Variants in DPH6 observed in about 807,000 individuals in gnomAD.
The protein encoded by DPH6 is diphthine--ammonia ligase.
DPH6 carries 33 observed loss-of-function variants against 38.2 expected under a neutral mutation model. That is an observed-to-expected ratio of 0.86 (90% confidence interval 0.65 to 1.15). The LOEUF (loss-of-function observed/expected upper bound fraction) is 1.15, where lower values mean the gene tolerates loss of function less well. Ranked by LOEUF, DPH6 falls within the 50% of genes most tolerant of loss-of-function variation. The probability of loss-of-function intolerance (pLI) is 0.00; values close to 1 mark genes in which losing one functional copy is unlikely to be tolerated. For missense variants in DPH6, 325 were observed against 320.0 expected, an observed-to-expected ratio of 1.02 and a Z score of -0.12; for synonymous variants, 108 against 103.0, an observed-to-expected ratio of 1.05 and a Z score of -0.30.
At chr15:35,537,615 A>C (rs2055189708) in intron 3 of DPH6, among the ~76,000 whole-genome samples, 1 of 152,146 alleles carries the variant, frequency 6.6e-6, no homozygotes, top group South Asian at 2.1e-4. Context: ...CCAAACTCTT[A>C]CATTCTGTGA....
intron 3 of DPH6, among the ~76,000 whole-genome samples, chr15:35,470,891 A>C (rs1404079934): frequency 1.3e-5 from 2 of 152,176 alleles, no homozygotes; most frequent in Non-Finnish European, 1.5e-5. Flanking sequence ...AATACCTCCA[A>C]AATTAAATGT....
rs1165939476 is a variant in DPH6 at position 35,496,567 on chromosome 15, AAT to A, written c.312+41705_312+41706del. On this transcript the variant is annotated intron_variant, in intron 3 of 8. Transcript: ENST00000256538. ...GAAAGTTCCATCTCAAAAAAAAAAA[AAT>A]ATATATATATATATATATATATCCT... Among the ~76,000 whole-genome samples the A allele has an allele frequency of 4.2e-4, 13 of 31,014 alleles. 2 individuals are homozygous for A. In the South Asian group the frequency reaches 8.8e-3, roughly 21 times the overall value. 20.3% of individuals were successfully genotyped at this position (31,014 alleles called of 152,430 possible).
chr15:35,344,563 T>C (rs2052446862), intron 3 of DPH6, among the ~76,000 whole-genome samples: 1 of 151,870 alleles, frequency 6.6e-6, no homozygotes, highest in Admixed American at 6.6e-5. Flanking sequence ...TATTCTCTCA[T>C]TAGATCTTCA....
At chr15:35,460,255 A>C (rs1250632799) in intron 3 of DPH6, among the ~76,000 whole-genome samples, 2 of 152,246 alleles carry the variant, frequency 1.3e-5, no homozygotes, top group Non-Finnish European at 2.9e-5. Flanking sequence ...ATAATTAATC[A>C]GTGAATGAAT....
In DPH6 at chr15:35,376,376, C is replaced by T. The variant is rs184350138; in HGVS notation, c.663-2768G>A. Among the ~76,000 whole-genome samples the T allele has an allele frequency of 4.6e-5, 7 of 152,248 alleles. No individual in the cohort carries two copies. The East Asian group carries it at 7.7e-4, about 17-fold the overall frequency. ...ACCTATCTTCATGTGAATACAGTCA[C>T]GTGCCACATAATGCTATTTTTGGTT... On this transcript the variant is annotated intron_variant, in intron 7 of 8. Coordinates refer to ENST00000256538, the MANE Select transcript of DPH6 (RefSeq NM_080650.4).
intron 3 of DPH6, among the ~76,000 whole-genome samples, chr15:35,317,836 T>C (rs1285376756): frequency 6.6e-6 from 1 of 152,080 alleles, no homozygotes; most frequent in Non-Finnish European, 1.5e-5. Flanking sequence ...AATGTAAATA[T>C]CTGAAAAGTT....
intron 1 of DPH6, among the ~76,000 whole-genome samples, chr15:35,543,441 G>A (rs950021142): frequency 6.6e-6 from 1 of 151,760 alleles, no homozygotes; most frequent in Non-Finnish European, 1.5e-5. Context: ...TAATATGGCT[G>A]AATGGCAATC....
In DPH6 at chr15:35,303,597, G is replaced by A. The variant is rs138868411; in HGVS notation, n.200+69924C>T. Among the ~76,000 whole-genome samples, 730 of 151,118 alleles carry A rather than the reference G, an allele frequency of 4.8e-3. 3 individuals are homozygous for A. Among genetic ancestry groups the A allele is most frequent in the Non-Finnish European group, 7.0e-3 (471 of 67,752 alleles). On this transcript the variant is annotated intron_variant and non_coding_transcript_variant, in intron 3 of 3. Transcript: ENST00000560386. ...TTTTTCAGTATAAGTATACTGTGACGTTACAGCTTTGCAATCAAAAATAAC... is the reference window on the plus strand; with the variant it reads ...TTTTTCAGTATAAGTATACTGTGACATTACAGCTTTGCAATCAAAAATAAC...
chr15:35,328,232 A>C (rs1169863836), downstream of DPH6, among the ~76,000 whole-genome samples: 1 of 152,088 alleles, frequency 6.6e-6, no homozygotes, highest in African/African-American at 2.4e-5. Flanking sequence ...CCTAGGCTTT[A>C]AAATGCTATT....
At chr15:35,382,363 G>A (rs555241196) in intron 6 of DPH6, among the ~76,000 whole-genome samples, 70 of 152,288 alleles carry the variant, frequency 4.6e-4, no homozygotes, top group Non-Finnish European at 6.9e-4. Flanking sequence ...GTAAACCCGG[G>A]AGACGGAGCT....
At chr15:35,322,597 T>A (rs1414046751) in intron 3 of DPH6, among the ~76,000 whole-genome samples, 3 of 152,322 alleles carry the variant, frequency 2.0e-5, no homozygotes, top group African/African-American at 7.2e-5. Flanking sequence ...TTTCTCTTTT[T>A]TCTTTGGAGT....
chr15:35,464,652 GCTGA>G (rs1449214154), intron 3 of DPH6, among the ~76,000 whole-genome samples: 4 of 152,174 alleles, frequency 2.6e-5, no homozygotes, highest in African/African-American at 7.2e-5. Flanking sequence ...CCATTTGGTA[GCTGA>G]CTGTGTGCTT....
chr15:35,438,868 T>C (rs1174916429), intron 5 of DPH6, among the ~76,000 whole-genome samples: 2 of 152,228 alleles, frequency 1.3e-5, no homozygotes, highest in Non-Finnish European at 2.9e-5. Flanking sequence ...TATAGGATTA[T>C]TTTAAATTAG....
At chr15:35,268,526 A>G (rs1053190859) in intron 3 of DPH6, among the ~76,000 whole-genome samples, 3 of 145,354 alleles carry the variant, frequency 2.1e-5, no homozygotes, top group Admixed American at 6.9e-5. Context: ...TTGCAGCTCT[A>G]AAAAAAAAAA....
At chr15:35,161,059 G>GCAGCA in the DPH6 span, among the ~76,000 whole-genome samples, 1 of 151,906 alleles carries the variant, frequency 6.6e-6, no homozygotes, top group African/African-American at 2.4e-5. Flanking sequence ...GTTAATGGGT[G>GCAGCA]CAGCACACCA....
chr15:35,452,388 T>C (rs947231848), intron 4 of DPH6, among the ~76,000 whole-genome samples: 6 of 152,144 alleles, frequency 3.9e-5, no homozygotes, highest in African/African-American at 1.2e-4. Flanking sequence ...AAACCAAGAA[T>C]ATAGCTCTAA....
Position 35,395,439 on chromosome 15 carries a change from A to G in DPH6, c.568-13523T>C, listed in dbSNP as rs371091858. Among the ~76,000 whole-genome samples, 22 of 152,244 alleles carry G rather than the reference A, an allele frequency of 1.4e-4. 4 individuals carry two copies. Among genetic ancestry groups the G allele is most frequent in the East Asian group, 7.7e-4 (4 of 5,178 alleles). On this transcript the variant is annotated intron_variant, in intron 6 of 8. Transcript: ENST00000256538. ...ATTCTGAATTTTATTTCTTACCCCA[A>G]ATCACTTGGCCTATCTCTCAAGCCT...
chr15:35,336,873 T>A (rs1271534796), intron 3 of DPH6, among the ~76,000 whole-genome samples: 4 of 152,152 alleles, frequency 2.6e-5, no homozygotes, highest in Non-Finnish European at 5.9e-5. Context: ...GATTTTTGCA[T>A]CAATGTTCAT....
exon 4 of DPH6, chr15:35,220,015 C>G (rs1206921249): frequency 6.6e-6 from 1 of 152,154 alleles, no homozygotes; most frequent in Non-Finnish European, 1.5e-5. Context: ...CTATGCTAAG[C>G]TTTCTTTTAA....
Sources: gnomAD v4.1 joint callset for allele counts (sites outside exome capture counted in the v4.1 genomes callset) on GRCh38, gnomAD v4.1.1 for gene constraint, MANE v1.5 for transcripts, NCBI Gene and HGNC (gene_info 2026-07-23, HGNC 2026-07-21) for gene names.